AVL9: variants seen among roughly 807,000 people sequenced by gnomAD.
AVL9 encodes late secretory pathway protein AVL9 homolog.
AVL9 carries 49 observed loss-of-function variants against 79.2 expected under a neutral mutation model. The ratio of observed to expected loss-of-function variants is 0.62; its 90% CI spans 0.49 to 0.79. AVL9 has a LOEUF of 0.79. Among genes scored for constraint, AVL9 ranks in the 30% least tolerant of loss-of-function variants. The pLI is 0.00. For missense variants in AVL9, 682 were observed against 776.8 expected (o/e 0.88, Z 1.45); for synonymous variants, 299 against 280.6 (o/e 1.07, Z -0.65).
intron 1 of AVL9, among the ~76,000 whole-genome samples, chr7:32,529,872 A>G (rs1788571037): frequency 6.6e-6 from 1 of 152,210 alleles, no homozygotes; most frequent in Admixed American, 6.6e-5. Flanking sequence ...TTCCCACACA[A>G]GAGTAACCAT....
At chr7:32,573,713 C>CAACTTTATA (rs1790962289) in intron 12 of AVL9, among the ~76,000 whole-genome samples, 1 of 152,168 alleles carries the variant, frequency 6.6e-6, no homozygotes, top group Admixed American at 6.5e-5. Context: ...AGAAACAACA[C>CAACTTTATA]ATACCAACAT....
chr7:32,566,180 A>AT lies in AVL9; in HGVS notation c.1216-3828dup, dbSNP rs200639479. ...TAAAAAAATTTTAATTATTATTATT[A>AT]TTTTTTTTTTTTGGAGACAAGGTCT... On this transcript the variant is annotated intron_variant, in intron 10 of 15. Coordinates refer to ENST00000318709, the MANE Select transcript of AVL9 (RefSeq NM_015060.3). Among the ~76,000 whole-genome samples, 20 of 93,888 alleles carry AT rather than the reference A, an allele frequency of 2.1e-4. 1 individual carries two copies. The highest frequency in any genetic ancestry group is 7.8e-4 in the South Asian group (2 of 2,566). 61.6% of individuals were successfully genotyped at this position (93,888 alleles called of 152,430 possible).
intron 15 of AVL9, 122 bp from the exon 16 acceptor site, chr7:32,583,670 C>T (rs887530164): frequency 4.7e-5 from 29 of 617,960 alleles, no homozygotes; most frequent in South Asian, 2.0e-4. Context: ...CAGAGTAAGA[C>T]GCTGTCTCAA....
chr7:32,518,595 A>T (rs1788007463), intron 1 of AVL9, among the ~76,000 whole-genome samples: 1 of 152,176 alleles, frequency 6.6e-6, no homozygotes, highest in South Asian at 2.1e-4. Flanking sequence ...ATAATCAAAG[A>T]GGTATTTTTG....
At chr7:32,556,622 AATTTT>A (rs1367747854) in intron 8 of AVL9, among the ~76,000 whole-genome samples, 8 of 152,190 alleles carry the variant, frequency 5.3e-5, no homozygotes, top group Admixed American at 1.3e-4. Context: ...TATTTCAAAA[AATTTT>A]ATTTAATTTC....
At position 32,584,178 on chromosome 7, in the gene AVL9, TG is replaced by T; in HGVS notation, c.*272del. ...ATACAGTGAACCTTCTAATGAATTTTGAGTTCTGATATTGTACATTGGTTTA... is the reference window on the plus strand; with the variant it reads ...ATACAGTGAACCTTCTAATGAATTTTAGTTCTGATATTGTACATTGGTTTA... On this transcript the variant is annotated 3_prime_UTR_variant, in exon 16 of 16. Transcript: ENST00000318709. The T allele has an allele frequency of 6.4e-6, 3 of 468,400 alleles. No individual in the cohort carries two copies. The highest frequency in any genetic ancestry group is 1.2e-5 in the Non-Finnish European group (3 of 253,462). 29.0% of individuals were successfully genotyped at this position (468,400 alleles called of 1,614,324 possible). A position where few individuals can be genotyped will look rare whatever the true frequency, so the allele number is the denominator to read the frequency against.
At chr7:32,535,713 A>G (rs747751563) in intron 1 of AVL9, 5 of 152,082 alleles carry the variant, frequency 3.3e-5, no homozygotes, top group Non-Finnish European at 7.4e-5. Flanking sequence ...TAATAACCCT[A>G]CTGGATGAGA....
intron 1 of AVL9, among the ~76,000 whole-genome samples, chr7:32,516,821 A>G (rs1465640159): frequency 6.6e-6 from 1 of 151,758 alleles, no homozygotes; most frequent in Non-Finnish European, 1.5e-5. Context: ...AACAAGGAGA[A>G]TGACTCCCTT....
intron 13 of AVL9, 105 bp from the exon 14 acceptor site, chr7:32,580,114 C>A: frequency 1.2e-6 from 1 of 859,228 alleles, no homozygotes; most frequent in Non-Finnish European, 1.9e-6. Flanking sequence ...CACTACCACC[C>A]AGCTGTGTTG....
At position 32,495,559 on chromosome 7, in the gene AVL9, G is replaced by A. The variant is rs1003377569; in HGVS notation, c.-151G>A. On this transcript the variant is annotated 5_prime_UTR_variant, in exon 1 of 16. Coordinates refer to ENST00000318709, the MANE Select transcript of AVL9 (RefSeq NM_015060.3). ...GCGGCCGTGGCCCTGGGGGCGGCGGGAGCTGCTTTGCCTCCACCGATCTCC... is the reference window on the plus strand; with the variant it reads ...GCGGCCGTGGCCCTGGGGGCGGCGGAAGCTGCTTTGCCTCCACCGATCTCC... 2.3e-6 allele frequency: 1 copy of A among 434,938 alleles called. No individual in the cohort carries two copies. Among genetic ancestry groups the A allele is most frequent in the Non-Finnish European group, 4.0e-6 (1 of 250,976 alleles). 26.9% of individuals were successfully genotyped at this position (434,938 alleles called of 1,614,324 possible).
rs982923134 is a variant in AVL9 at position 32,586,523 on chromosome 7, T to C, written c.*2616T>C. 6.7e-6 allele frequency: 1 copy of C among 150,304 alleles called. No homozygotes were observed. The highest frequency in any genetic ancestry group is 1.5e-5 in the Non-Finnish European group (1 of 67,682). 9.3% of individuals were successfully genotyped at this position (150,304 alleles called of 1,614,324 possible). On this transcript the variant is annotated 3_prime_UTR_variant, in exon 16 of 16. Transcript: ENST00000318709. ...GATTCTAGGCTCCAAGTGGCCAGCA[T>C]AGAAGCAGCAGCCTCTCTCCAAACC...
rs1322802432 is a variant in AVL9, at chr7:32,585,057, AC to A, written c.*1151del. 6.6e-6 allele frequency: 1 copy of A among 152,258 alleles called. No homozygotes were observed. Among genetic ancestry groups the A allele is most frequent in the Non-Finnish European group, 1.5e-5 (1 of 68,092 alleles). The allele number at this position is 152,258 out of a possible 1,614,324, so 9.4% of individuals were successfully genotyped here. A position where few individuals can be genotyped will look rare whatever the true frequency, so the allele number is the denominator to read the frequency against. ...AGTGCTGGGACTACAGGCATGAGCC[AC>A]TGCGCCTGGCCTGTTTCTTTTTTAA... On this transcript the variant is annotated 3_prime_UTR_variant, in exon 16 of 16. Transcript: ENST00000318709.
chr7:32,517,188 T>C (rs949790363), intron 1 of AVL9, among the ~76,000 whole-genome samples: 7 of 152,196 alleles, frequency 4.6e-5, no homozygotes, highest in Non-Finnish European at 7.4e-5. Flanking sequence ...CATATGCATA[T>C]TTTGTTATGT....
intron 1 of AVL9, chr7:32,533,094 G>A (rs1441428382): frequency 6.6e-6 from 1 of 152,158 alleles, no homozygotes; most frequent in Admixed American, 6.6e-5. Context: ...ATCACTTGAG[G>A]TCAGGAGTTC....
intron 1 of AVL9, among the ~76,000 whole-genome samples, chr7:32,502,392 C>CAAAAAAA (rs70992721): frequency 3.5e-4 from 40 of 114,270 alleles, no homozygotes; most frequent in South Asian, 8.2e-4. Flanking sequence ...AACCCTTTCT[C>CAAAAAAA]AAAAAAAAAA....
At position 32,507,701 on chromosome 7, in the gene AVL9, G is replaced by A. The variant is rs141487387; in HGVS notation, c.93+11899G>A. On this transcript the variant is annotated intron_variant, in intron 1 of 15. Coordinates refer to ENST00000318709, the MANE Select transcript of AVL9 (RefSeq NM_015060.3). The stretch of plus-strand genomic sequence containing the variant: ...TGGGCATTACAAATAATGCCATCAT[G>A]AGCATTTTTTAGATGTCTCTTGGTG... 7.2e-3 allele frequency among the ~76,000 whole-genome samples: 1,101 copies of A among 152,282 alleles called. 10 individuals are homozygous for A. Among genetic ancestry groups the A allele is most frequent in the South Asian group, 0.019 (91 of 4,822 alleles).
At chr7:32,561,402 T>A (rs1009119222) in intron 10 of AVL9, among the ~76,000 whole-genome samples, 2 of 152,380 alleles carry the variant, frequency 1.3e-5, no homozygotes, top group African/African-American at 2.4e-5. Flanking sequence ...TTTTATGTTA[T>A]AGAGACGGCT....
At chr7:32,514,294 G>A (rs142462126) in intron 1 of AVL9, among the ~76,000 whole-genome samples, 2,403 of 152,266 alleles carry the variant, frequency 0.016, 75 homozygotes, top group African/African-American at 0.055. Flanking sequence ...GGGTCCCTGC[G>A]GCCTTCCACA....
intron 1 of AVL9, among the ~76,000 whole-genome samples, chr7:32,503,330 ATATC>A (rs1226676964): frequency 6.5e-5 from 7 of 107,202 alleles, no homozygotes; most frequent in Non-Finnish European, 9.5e-5. Context: ...ATATATATAT[ATATC>A]TATATATATA....
Sources: gnomAD v4.1 joint callset for allele counts (sites outside exome capture counted in the v4.1 genomes callset) on GRCh38, gnomAD v4.1.1 for gene constraint, MANE v1.5 for transcripts, NCBI Gene and HGNC (gene_info 2026-07-23, HGNC 2026-07-21) for gene names.